Variants in WDR27 observed in about 807,000 individuals in gnomAD.
WDR27 encodes the protein WD repeat-containing protein 27.
WDR27 carries 100 observed loss-of-function variants against 114.4 expected under a neutral mutation model. The ratio of observed to expected loss-of-function variants is 0.87; its 90% CI spans 0.74 to 1.03. WDR27 has a LOEUF of 1.03. WDR27 is among the 50% of genes least tolerant of loss of function. The probability of loss-of-function intolerance (pLI) is 0.00; values close to 1 mark genes in which losing one functional copy is unlikely to be tolerated. For missense variants in WDR27, 1,129 were observed against 1,092.9 expected (o/e 1.03, Z -0.47); for synonymous variants, 449 against 423.1 (o/e 1.06, Z -0.75).
At chr6:169,649,146 G>C in intron 15 of WDR27, 52 bp downstream of exon 15, 1 of 1,466,740 alleles carries the variant, frequency 6.8e-7, no homozygotes, top group Non-Finnish European at 9.3e-7. Flanking sequence ...TAAAGTGTTG[G>C]AAAGGTCTAG....
At chr6:169,471,661 C>T (rs1233907405) in intron 25 of WDR27, among the ~76,000 whole-genome samples, 1 of 152,194 alleles carries the variant, frequency 6.6e-6, no homozygotes, top group Non-Finnish European at 1.5e-5. Flanking sequence ...TCCCTGACCA[C>T]CTTGGCTTTT....
At chr6:169,607,974 T>A (rs1212949128) in intron 22 of WDR27, among the ~76,000 whole-genome samples, 1 of 152,186 alleles carries the variant, frequency 6.6e-6, no homozygotes, top group Non-Finnish European at 1.5e-5. Flanking sequence ...CTAGATGGTG[T>A]AGCCTACTAC....
Position 169,658,679 on chromosome 6 carries a change from G to T in WDR27, c.1320-321C>A, listed in dbSNP as rs547793977. ...TTCCAAATAGCATTGGCAGAGCTCCGAGTTTTCTTTTTTTTTTTTTTTGAG... is the reference window on the plus strand; with the variant it reads ...TTCCAAATAGCATTGGCAGAGCTCCTAGTTTTCTTTTTTTTTTTTTTTGAG... On this transcript the variant is annotated intron_variant, in intron 12 of 25. Transcript: ENST00000448612. Among the ~76,000 whole-genome samples the T allele has an allele frequency of 2.5e-4, 38 of 150,758 alleles. No individual in the cohort carries two copies. In the South Asian group the frequency reaches 5.2e-3, roughly 21 times the overall value.
At chr6:169,564,994 C>A (rs544075400) in intron 25 of WDR27, among the ~76,000 whole-genome samples, 2 of 152,308 alleles carry the variant, frequency 1.3e-5, no homozygotes, top group Non-Finnish European at 2.9e-5. Flanking sequence ...GGGGAGACCC[C>A]CACCAGGTAC....
intron 23 of WDR27, among the ~76,000 whole-genome samples, chr6:169,595,325 A>C (rs1806571726): frequency 6.6e-6 from 1 of 152,148 alleles, no homozygotes; most frequent in Non-Finnish European, 1.5e-5. Flanking sequence ...AAATGGTAGA[A>C]TTCTTCTTCC....
chr6:169,578,548 T>A (rs1409584981), intron 24 of WDR27, among the ~76,000 whole-genome samples: 2 of 152,184 alleles, frequency 1.3e-5, no homozygotes, highest in African/African-American at 4.8e-5. Context: ...ATTTCCTACA[T>A]AGAAGCTCCC....
intron 10 of WDR27, 149 bp downstream of exon 10, chr6:169,660,514 G>A (rs1825775000): frequency 1.0e-5 from 7 of 685,682 alleles, no homozygotes; most frequent in Non-Finnish European, 1.8e-5. Context: ...CAGCACAGAG[G>A]TGCTCACGTG....
intron 25 of WDR27, among the ~76,000 whole-genome samples, chr6:169,506,368 G>A (rs968861961): frequency 7.9e-5 from 12 of 152,184 alleles, no homozygotes; most frequent in Non-Finnish European, 1.8e-4. Flanking sequence ...CATGCTGACA[G>A]AACTTGAGGT....
Position 169,659,154 on chromosome 6 carries a change from G to C in WDR27, c.1251C>G (p.Ile417Met), listed in dbSNP as rs35656489. The C allele has an allele frequency of 5.2e-4, 840 of 1,611,548 alleles. 3 individuals are homozygous for C. In the African/African-American group the frequency reaches 9.3e-3, roughly 18 times the overall value. The change falls in exon 12 of 26, where the codon ATC becomes ATG. Residue 417 changes from isoleucine (I) to methionine (M), a missense_variant. Physicochemically the swap from Ile to Met is conservative, Grantham distance 10 (BLOSUM62 1). Transcript: ENST00000448612. This position sits in a 1 kb window ranked among gnomAD's most constrained non-coding sequence, Gnocchi z 4.3. ...LFGGKIAVLE[I>M]NPAALVRAQQ... ...GAGCCCTGACTAGCGCGGCCGGGTT[G>C]ATCTCCAACACGGCAATCTTCCCGC...
At chr6:169,617,342 T>G (rs919943462) in intron 21 of WDR27, among the ~76,000 whole-genome samples, 1 of 152,176 alleles carries the variant, frequency 6.6e-6, no homozygotes, top group Non-Finnish European at 1.5e-5. Context: ...CAAGTGTGAC[T>G]TTTACATGGT....
rs71008099 is a variant in WDR27, at chr6:169,533,823, C to CTGTGTGTG, written c.2645+38588_2645+38595dup. 1.8e-4 allele frequency among the ~76,000 whole-genome samples: 27 copies of CTGTGTGTG among 149,912 alleles called. No individual in the cohort carries two copies. The South Asian group carries it at 2.1e-3, about 12-fold the overall frequency. ...GGTAATGGTTCTCAAGAAGGTAAGCCTGTGTGTGTGTGTGTGTGTGTGTGT... is the reference window on the plus strand; with the variant it reads ...GGTAATGGTTCTCAAGAAGGTAAGCCTGTGTGTGTGTGTGTGTGTGTGTGTGTGTGTGT... On this transcript the variant is annotated intron_variant, in intron 25 of 25. Coordinates refer to ENST00000448612, the MANE Select transcript of WDR27 (RefSeq NM_182552.5).
At chr6:169,505,850 AG>A (rs1791937760) in intron 25 of WDR27, among the ~76,000 whole-genome samples, 1 of 152,196 alleles carries the variant, frequency 6.6e-6, no homozygotes, top group Admixed American at 6.5e-5. Context: ...AGGACTGGGC[AG>A]GGGACCTGAG....
At chr6:169,574,100 G>A (rs73790030) in intron 24 of WDR27, among the ~76,000 whole-genome samples, 2,483 of 152,366 alleles carry the variant, frequency 0.016, 64 homozygotes, top group African/African-American at 0.057. Context: ...CTGACAGGGC[G>A]CATGTGGCGC....
chr6:169,582,385 T>C (rs1280869822), intron 24 of WDR27, among the ~76,000 whole-genome samples: 5 of 152,216 alleles, frequency 3.3e-5, no homozygotes, highest in African/African-American at 1.2e-4. Flanking sequence ...TGTTTTCTTC[T>C]AATTAAGAAA....
At chr6:169,579,019 C>T (rs1802923203) in intron 24 of WDR27, among the ~76,000 whole-genome samples, 1 of 152,068 alleles carries the variant, frequency 6.6e-6, no homozygotes, top group Non-Finnish European at 1.5e-5. Context: ...CTGGCTGAGC[C>T]GATTTCCATG....
At chr6:169,635,607 A>C (rs1399336290) in intron 19 of WDR27, among the ~76,000 whole-genome samples, 2 of 152,226 alleles carry the variant, frequency 1.3e-5, no homozygotes, top group East Asian at 3.9e-4. Context: ...AAGCCCATCT[A>C]TCAGATGCGA....
At chr6:169,579,150 C>T (rs1802945339) in intron 24 of WDR27, among the ~76,000 whole-genome samples, 1 of 152,166 alleles carries the variant, frequency 6.6e-6, no homozygotes, top group Non-Finnish European at 1.5e-5. Flanking sequence ...ATTCCCAAAA[C>T]CCGCTTACTC....
At chr6:169,626,608 G>A (rs1269777372) in intron 21 of WDR27, among the ~76,000 whole-genome samples, 2 of 152,208 alleles carry the variant, frequency 1.3e-5, no homozygotes, top group Non-Finnish European at 2.9e-5. Context: ...TCCTGCCTCT[G>A]ACCTGGAAGG....
downstream of WDR27, among the ~76,000 whole-genome samples, chr6:169,453,614 TGACCAGTCAA>T (rs1400793057): frequency 6.6e-6 from 1 of 152,224 alleles, no homozygotes; most frequent in African/African-American, 2.4e-5. Context: ...TAATTTCTAC[TGACCAGTCAA>T]GCTTGTTTCA....
Sources: allele counts gnomAD v4.1 joint callset (sites outside exome capture counted in the v4.1 genomes callset), GRCh38; gene constraint gnomAD v4.1.1; non-coding constraint Gnocchi (gnomAD v3.1); transcripts MANE v1.5; gene names NCBI Gene and HGNC (gene_info 2026-07-23, HGNC 2026-07-21).